Variants in SEL1L3 observed in about 807,000 individuals in gnomAD.
SEL1L3 encodes SEL1L family member 3, also known as protein sel-1 homolog 3.
A neutral mutation model predicts 142.8 loss-of-function variants in SEL1L3; 76 were observed. The ratio of observed to expected loss-of-function variants is 0.53; its 90% CI spans 0.44 to 0.64. SEL1L3 has a LOEUF of 0.64. Ranked by LOEUF, SEL1L3 falls within the 30% of genes least tolerant of loss-of-function variation. SEL1L3 has a pLI of 0.00. For missense variants in SEL1L3, 1,262 were observed against 1,381.7 expected, an observed-to-expected ratio of 0.91 and a Z score of 1.37; for synonymous variants, 504 against 519.6, an observed-to-expected ratio of 0.97 and a Z score of 0.41.
chr4:25,793,692 T>A (rs141950115), intron 11 of SEL1L3, among the ~76,000 whole-genome samples: 2 of 152,306 alleles, frequency 1.3e-5, no homozygotes, highest in East Asian at 3.9e-4. Context: ...CTCGTTACTT[T>A]ATCTGAGACT....
chr4:25,725,196 A>C, the SEL1L3 span, among the ~76,000 whole-genome samples: 4 of 152,204 alleles, frequency 2.6e-5, no homozygotes, highest in South Asian at 6.2e-4. Context: ...GATCTTGCGC[A>C]AAAAAGAATG....
chr4:25,831,794 C>T (rs541083821), intron 5 of SEL1L3, among the ~76,000 whole-genome samples: 9 of 152,240 alleles, frequency 5.9e-5, no homozygotes, highest in African/African-American at 2.2e-4. Context: ...GCTGGGATTA[C>T]AGGCATGAGC....
At chr4:25,860,301 C>G (rs1577710428) in intron 1 of SEL1L3, among the ~76,000 whole-genome samples, 1 of 152,290 alleles carries the variant, frequency 6.6e-6, no homozygotes, top group Non-Finnish European at 1.5e-5. Context: ...GGGATCCTGC[C>G]CAGCTATTCT....
intron 12 of SEL1L3, among the ~76,000 whole-genome samples, chr4:25,789,848 G>A (rs565551995): frequency 6.6e-6 from 1 of 152,106 alleles, no homozygotes; most frequent in Admixed American, 6.5e-5. Flanking sequence ...CAGGGAAGCA[G>A]AGAGGGTGCT....
In SEL1L3 at chr4:25,757,673, G is replaced by T; in HGVS notation, c.3186+15C>A. On this transcript the variant is annotated intron_variant, in intron 22 of 23. Transcript: ENST00000399878. ...AGGGGCCACAAGGGTGGGGCCGGTG[G>T]GACATGAAACCTACCAGGGCTGAGT... 1 of 1,576,280 alleles carries T rather than the reference G, an allele frequency of 6.3e-7. No individual in the cohort carries two copies. Among genetic ancestry groups the T allele is most frequent in the East Asian group, 2.3e-5 (1 of 42,830 alleles).
At chr4:25,834,918 GACCTTGCAGGGCCTCAGGCTTCAAC>G (rs1715697190) in intron 3 of SEL1L3, among the ~76,000 whole-genome samples, 1 of 152,224 alleles carries the variant, frequency 6.6e-6, no homozygotes, top group African/African-American at 2.4e-5. Context: ...CTGCACCTGA[GACCTTGCAGGGCCTCAGGCTTCAAC>G]ACCTTGCTGT....
chr4:25,766,729 T>C (rs1262639405), intron 19 of SEL1L3, among the ~76,000 whole-genome samples: 1 of 152,082 alleles, frequency 6.6e-6, no homozygotes, highest in East Asian at 1.9e-4. Flanking sequence ...GCTGGAACCA[T>C]GGAAATGTAG....
chr4:25,845,724 A>C (rs1242627130), intron 2 of SEL1L3, among the ~76,000 whole-genome samples: 4 of 151,226 alleles, frequency 2.6e-5, no homozygotes, highest in Non-Finnish European at 5.9e-5. Context: ...AAAAACTTAG[A>C]GTGCATGTCC....
intron 20 of SEL1L3, among the ~76,000 whole-genome samples, chr4:25,763,734 G>A (rs1577567882): frequency 6.6e-6 from 1 of 152,122 alleles, no homozygotes; most frequent in South Asian, 2.1e-4. Context: ...CAGCTACTTA[G>A]GAGGCTGAGG....
intron 14 of SEL1L3, among the ~76,000 whole-genome samples, chr4:25,783,552 T>A (rs1229718661): frequency 6.6e-6 from 1 of 152,184 alleles, no homozygotes; most frequent in African/African-American, 2.4e-5. Context: ...ATCTATTTAT[T>A]TGGACATCGG....
At position 25,801,602 on chromosome 4, in the gene SEL1L3, T is replaced by C. The variant is rs150592700; in HGVS notation, c.1956+681A>G. Among the ~76,000 whole-genome samples, 85 of 152,316 alleles carry C rather than the reference T, an allele frequency of 5.6e-4. No homozygotes were observed. The East Asian group carries it at 0.015, about 26-fold the overall frequency. On this transcript the variant is annotated intron_variant, in intron 11 of 23. Transcript: ENST00000399878. ...TAATACATTATGGTCTTTTGGGAGATGTGAGTCACTGATTTTTTTGTCCAA... is the reference window on the plus strand; with the variant it reads ...TAATACATTATGGTCTTTTGGGAGACGTGAGTCACTGATTTTTTTGTCCAA...
chr4:25,826,729 G>A (rs571549032), intron 6 of SEL1L3, among the ~76,000 whole-genome samples: 39 of 152,154 alleles, frequency 2.6e-4, no homozygotes, highest in African/African-American at 8.9e-4. Flanking sequence ...TCGCTCTGTC[G>A]CCCCGGCTGG....
intron 6 of SEL1L3, among the ~76,000 whole-genome samples, chr4:25,826,365 C>T (rs964328443): frequency 1.2e-4 from 18 of 152,182 alleles, no homozygotes; most frequent in African/African-American, 2.7e-4. Flanking sequence ...ATTATGTTTA[C>T]GTTACAGGAA....
intron 7 of SEL1L3, among the ~76,000 whole-genome samples, chr4:25,821,542 G>A (rs1030734782): frequency 3.9e-5 from 6 of 152,238 alleles, no homozygotes; most frequent in Non-Finnish European, 5.9e-5. Flanking sequence ...CCATACAACT[G>A]CTGCCAACCG....
chr4:25,803,195 C>T (rs894506977), intron 10 of SEL1L3, among the ~76,000 whole-genome samples: 1 of 152,220 alleles, frequency 6.6e-6, no homozygotes, highest in African/African-American at 2.4e-5. Flanking sequence ...CCTCATCTCA[C>T]AGTTGGGAAA....
intron 17 of SEL1L3, 70 bp from the exon 18 acceptor site, chr4:25,767,900 T>A (rs1441216920): frequency 1.0e-6 from 1 of 1,000,074 alleles, no homozygotes; most frequent in African/African-American, 1.6e-5. Context: ...AGCTTTACAT[T>A]CAAACATAAG....
At chr4:25,717,604 T>G in the SEL1L3 span, among the ~76,000 whole-genome samples, 1 of 152,066 alleles carries the variant, frequency 6.6e-6, no homozygotes, top group Non-Finnish European at 1.5e-5. Context: ...AGGTGGAGGT[T>G]GAAGTGAGCC....
At chr4:25,812,670 C>A (rs978940321) in intron 9 of SEL1L3, among the ~76,000 whole-genome samples, 2 of 150,666 alleles carry the variant, frequency 1.3e-5, no homozygotes, top group African/African-American at 4.9e-5. Context: ...CAAGATCATG[C>A]CACTGCACTC....
chr4:25,752,360 T>C (rs1403511393), intron 23 of SEL1L3, among the ~76,000 whole-genome samples: 1 of 140,742 alleles, frequency 7.1e-6, no homozygotes, highest in African/African-American at 2.7e-5. Context: ...GTGGTTGCAG[T>C]GAGCCGAGAT....
Sources: allele counts gnomAD v4.1 joint callset (sites outside exome capture counted in the v4.1 genomes callset), GRCh38; gene constraint gnomAD v4.1.1; transcripts MANE v1.5; gene names NCBI Gene and HGNC (gene_info 2026-07-23, HGNC 2026-07-21).